Variants in TNS1 observed in about 807,000 individuals in gnomAD.
TNS1 encodes tensin-1.
TNS1 carries 62 observed loss-of-function variants against 168.6 expected under a neutral mutation model. The observed-to-expected ratio is 0.37, with a 90% CI of 0.30 to 0.45. The LOEUF is 0.45. Among genes scored for constraint, TNS1 ranks in the 20% least tolerant of loss-of-function variants. TNS1 has a pLI of 1.00. For missense variants in TNS1, 2,240 were observed against 2,339.4 expected, an observed-to-expected ratio of 0.96 and a Z score of 0.88; for synonymous variants, 934 against 933.2, an observed-to-expected ratio of 1.00 and a Z score of -0.02.
chr2:217,838,718 T>C (rs1559205786), intron 19 of TNS1, among the ~76,000 whole-genome samples: 1 of 152,056 alleles, frequency 6.6e-6, no homozygotes, highest in Non-Finnish European at 1.5e-5. Context: ...CCGCCTGGAG[T>C]GCCTGGAGAG....
rs1019746133 is a variant in TNS1, at chr2:217,802,093, A to G, written c.*2366T>C. 2.0e-5 allele frequency: 3 copies of G among 152,256 alleles called. No individual in the cohort carries two copies. Among genetic ancestry groups the G allele is most frequent in the Non-Finnish European group, 4.4e-5 (3 of 68,056 alleles). 9.4% of individuals were successfully genotyped at this position (152,256 alleles called of 1,614,324 possible). ...TGTGGACAGAACATCCATGCCAGGAATAGGCTCCTGGGCTCTCCAGTGGGA... is the reference window on the plus strand; with the variant it reads ...TGTGGACAGAACATCCATGCCAGGAGTAGGCTCCTGGGCTCTCCAGTGGGA... On this transcript the variant is annotated 3_prime_UTR_variant, in exon 33 of 33. Transcript: ENST00000682258.
rs559718786 is a variant in TNS1, at chr2:218,022,063, C to T, written c.156+11757G>A. 1.9e-4 allele frequency among the ~76,000 whole-genome samples: 29 copies of T among 151,884 alleles called. 1 individual carries two copies. Among genetic ancestry groups the T allele is most frequent in the East Asian group, 5.8e-4 (3 of 5,186 alleles). On this transcript the variant is annotated intron_variant, in intron 1 of 1. Coordinates refer to the TNS1 transcript ENST00000649572. ...CTTCCCTGGCACTGGCATCGGGGGG[C>T]GAGGAGGAACAGACCTGGCCTCTTC...
chr2:217,849,942 C>T, intron 18 of TNS1: 1 of 985,388 alleles, frequency 1.0e-6, no homozygotes, highest in Non-Finnish European at 1.2e-6. Flanking sequence ...GATTTGTCTC[C>T]AGCTCAATGC....
At chr2:217,854,216 C>T (rs542779186) in intron 18 of TNS1, among the ~76,000 whole-genome samples, 1 of 152,190 alleles carries the variant, frequency 6.6e-6, no homozygotes, top group Non-Finnish European at 1.5e-5. Flanking sequence ...AGAAACCCCA[C>T]TTCTCTTCCT....
intron 6 of TNS1, among the ~76,000 whole-genome samples, chr2:217,902,485 G>C (rs1163851811): frequency 6.6e-6 from 1 of 152,112 alleles, no homozygotes; most frequent in African/African-American, 2.4e-5. Flanking sequence ...GGGAACTGGG[G>C]AACCAAGGGG....
chr2:217,909,245 G>T (rs1255998850), intron 4 of TNS1, among the ~76,000 whole-genome samples: 1 of 152,078 alleles, frequency 6.6e-6, no homozygotes, highest in Non-Finnish European at 1.5e-5. Flanking sequence ...AGCTGCTCTG[G>T]TCTCCTGTGG....
At chr2:217,998,004 C>A (rs116558491) in intron 1 of TNS1, among the ~76,000 whole-genome samples, 1 of 152,170 alleles carries the variant, frequency 6.6e-6, no homozygotes, top group African/African-American at 2.4e-5. Context: ...AGAAAGAGAA[C>A]GTGGGGCTAC....
chr2:217,976,199 T>C (rs1250648738), intron 3 of TNS1, among the ~76,000 whole-genome samples: 2 of 152,164 alleles, frequency 1.3e-5, no homozygotes, highest in Admixed American at 6.5e-5. Flanking sequence ...CCCTATTAGA[T>C]TGCAAGACCC....
rs115996678 is a variant in TNS1 at position 217,812,223 on chromosome 2, G to T, written c.5032+145C>A. 3.6e-3 allele frequency: 2,108 copies of T among 579,826 alleles called. 41 individuals are homozygous for T. The highest frequency in any genetic ancestry group is 0.036 in the African/African-American group (1,899 of 53,126). The allele number at this position is 579,826 out of a possible 1,614,324, so 35.9% of individuals were successfully genotyped here. ...TCTTCTTTTTTAATAGGAAGAAAAG[G>T]AGAGTAGTTTTGAGTTTCTCCAGAC... On this transcript the variant is annotated intron_variant, in intron 28 of 32. Transcript: ENST00000682258.
intron 1 of TNS1, among the ~76,000 whole-genome samples, chr2:218,030,795 T>C (rs1462467354): frequency 5.3e-5 from 8 of 152,228 alleles, no homozygotes; most frequent in South Asian, 4.1e-4. Flanking sequence ...ATCAGGGCTA[T>C]AGTGGGGCTT....
intron 18 of TNS1, chr2:217,858,504 G>A: frequency 1.0e-6 from 1 of 985,894 alleles, no homozygotes. Context: ...TCTGGAGGGA[G>A]GGAGGGAGAG....
intron 6 of TNS1, chr2:217,902,017 A>C (rs1389817081): frequency 3.9e-5 from 6 of 151,932 alleles, no homozygotes; most frequent in Non-Finnish European, 8.8e-5. Flanking sequence ...ACTGGGGGGA[A>C]GTTTCTAAGT....
intron 22 of TNS1, among the ~76,000 whole-genome samples, chr2:217,822,666 T>C (rs890044948): frequency 4.6e-5 from 7 of 152,154 alleles, no homozygotes; most frequent in African/African-American, 1.7e-4. Context: ...CGGCACTACC[T>C]GGTGTTCAAA....
intron 22 of TNS1, among the ~76,000 whole-genome samples, chr2:217,829,593 C>T (rs894311274): frequency 1.3e-5 from 2 of 152,174 alleles, no homozygotes; most frequent in Non-Finnish European, 2.9e-5. Flanking sequence ...AACAAGGTGA[C>T]ACTGCAGGAG....
At chr2:218,020,495 A>G (rs1958798048) in intron 1 of TNS1, among the ~76,000 whole-genome samples, 1 of 137,078 alleles carries the variant, frequency 7.3e-6, no homozygotes, top group South Asian at 2.5e-4. Context: ...CTGACCCCTG[A>G]GCTGCCTGGG....
chr2:218,013,250 T>A (rs1319461638), upstream of TNS1, among the ~76,000 whole-genome samples: 1 of 149,248 alleles, frequency 6.7e-6, no homozygotes, highest in South Asian at 2.1e-4. Flanking sequence ...AGCGAGACTC[T>A]ATCTCAAAAA....
chr2:218,030,971 G>C (rs1285333897), intron 1 of TNS1, among the ~76,000 whole-genome samples: 2 of 151,908 alleles, frequency 1.3e-5, no homozygotes, highest in Non-Finnish European at 2.9e-5. Context: ...GCATGTGTGT[G>C]AACTGTGTGT....
intron 28 of TNS1, among the ~76,000 whole-genome samples, chr2:217,811,392 C>A (rs889172901): frequency 2.6e-5 from 4 of 152,140 alleles, no homozygotes; most frequent in Non-Finnish European, 5.9e-5. Context: ...AACTTATAAG[C>A]TAATAATATT....
In TNS1 at chr2:217,804,744, G is replaced by T. The variant is rs1938121818; in HGVS notation, c.5376-141C>A. 10 of 1,070,648 alleles carry T rather than the reference G, an allele frequency of 9.3e-6. No individual in the cohort carries two copies. The East Asian group carries it at 2.6e-4, about 28-fold the overall frequency. The allele number at this position is 1,070,648 out of a possible 1,614,324, so 66.3% of individuals were successfully genotyped here. On this transcript the variant is annotated intron_variant, in intron 32 of 32. Coordinates refer to ENST00000682258, the MANE Select transcript of TNS1 (RefSeq NM_001387777.1). Reference sequence around the variant, plus strand: ...AGCAGGCCTCAGCATCAGGGACTCAGAGAGGTGCAGAAGAGAATCCTCTGT... The same window carrying T: ...AGCAGGCCTCAGCATCAGGGACTCATAGAGGTGCAGAAGAGAATCCTCTGT...
Sources: gnomAD v4.1 joint callset for allele counts (sites outside exome capture counted in the v4.1 genomes callset) on GRCh38, gnomAD v4.1.1 for gene constraint, MANE v1.5 for transcripts, NCBI Gene and HGNC (gene_info 2026-07-23, HGNC 2026-07-21) for gene names.